The following INPP4B variants were observed in gnomAD, a reference collection of about 807,000 sequenced individuals.
The protein encoded by INPP4B is inositol polyphosphate 4-phosphatase type II.
A neutral mutation model predicts 122.5 loss-of-function variants in INPP4B; 55 were observed. The ratio of observed to expected loss-of-function variants is 0.45; its 90% CI spans 0.36 to 0.56. The LOEUF (loss-of-function observed/expected upper bound fraction) is 0.56, where lower values mean the gene tolerates loss of function less well. Ranked by LOEUF, INPP4B falls within the 20% of genes least tolerant of loss-of-function variation. The probability of loss-of-function intolerance (pLI) is 0.00; values close to 1 mark genes in which losing one functional copy is unlikely to be tolerated. For synonymous variants in INPP4B, 403 were observed against 388.7 expected (o/e 1.04, Z -0.43); for missense variants, 1,000 against 1,097.7 (o/e 0.91, Z 1.26).
chr4:142,653,916 C>A (rs1052347901), intron 2 of INPP4B, among the ~76,000 whole-genome samples: 7 of 152,172 alleles, frequency 4.6e-5, no homozygotes, highest in African/African-American at 1.2e-4. Flanking sequence ...AAGACACATG[C>A]ACACATATGT....
chr4:142,086,346 A>G (rs1776752539), intron 23 of INPP4B, 90 bp from the exon 24 acceptor site: 1 of 727,910 alleles, frequency 1.4e-6, no homozygotes. Flanking sequence ...ATTTATTTGC[A>G]AACACAACTT....
chr4:142,591,918 T>C (rs1229598671), intron 2 of INPP4B, among the ~76,000 whole-genome samples: 1 of 152,158 alleles, frequency 6.6e-6, no homozygotes, highest in African/African-American at 2.4e-5. Flanking sequence ...GGATATATGA[T>C]GATTAAATAA....
chr4:142,734,228 G>T (rs1260439568), intron 1 of INPP4B, among the ~76,000 whole-genome samples: 1 of 152,172 alleles, frequency 6.6e-6, no homozygotes, highest in Non-Finnish European at 1.5e-5. Flanking sequence ...GGAAGATACT[G>T]TCTGCAAGTC....
chr4:142,109,285 T>C (rs1788798262), intron 22 of INPP4B, among the ~76,000 whole-genome samples: 2 of 152,162 alleles, frequency 1.3e-5, no homozygotes, highest in South Asian at 4.1e-4. Flanking sequence ...CCTTGTCAGA[T>C]CATTCAGTCT....
intron 1 of INPP4B, among the ~76,000 whole-genome samples, chr4:142,791,814 C>T (rs1776597663): frequency 6.6e-6 from 1 of 152,042 alleles, no homozygotes; most frequent in Non-Finnish European, 1.5e-5. Context: ...CTTACTCACC[C>T]ATTGACTGCT....
At chr4:142,834,724 A>G (rs1051612793) in intron 1 of INPP4B, among the ~76,000 whole-genome samples, 1 of 152,188 alleles carries the variant, frequency 6.6e-6, no homozygotes, top group Non-Finnish European at 1.5e-5. Context: ...TTTGTTCTGC[A>G]GTATCTACAT....
intron 1 of INPP4B, among the ~76,000 whole-genome samples, chr4:142,845,551 G>A (rs1784079205): frequency 6.6e-6 from 1 of 152,158 alleles, no homozygotes; most frequent in South Asian, 2.1e-4. Context: ...CTGCCTGATG[G>A]CCGAGAGAAG....
intron 3 of INPP4B, among the ~76,000 whole-genome samples, chr4:142,459,468 A>G (rs34379584): frequency 0.11 from 16,168 of 152,120 alleles, 1,176 homozygotes; most frequent in South Asian, 0.19. Flanking sequence ...GAAGAATGGG[A>G]AAGAAAATAG....
chr4:142,162,885 C>G (rs1820795559), intron 16 of INPP4B, among the ~76,000 whole-genome samples: 2 of 152,026 alleles, frequency 1.3e-5, no homozygotes, highest in Admixed American at 1.3e-4. Flanking sequence ...ATTTATCTGA[C>G]TTCTTGGAAA....
chr4:142,658,614 T>C (rs771441473), intron 2 of INPP4B, among the ~76,000 whole-genome samples: 3 of 152,244 alleles, frequency 2.0e-5, no homozygotes, highest in Non-Finnish European at 4.4e-5. Flanking sequence ...TTACAGTTGT[T>C]TGCATCAGTG....
At position 142,553,268 on chromosome 4, in the gene INPP4B, C is replaced by A. The variant is rs188711173; in HGVS notation, c.-190-90542G>T. On this transcript the variant is annotated intron_variant, in intron 2 of 25. Transcript: ENST00000262992. ...CACTGCTTTCATTTTCACCTCTACA[C>A]AGAAGACTCCACATTCCCACTCTCT... 4.8e-4 allele frequency among the ~76,000 whole-genome samples: 73 copies of A among 152,290 alleles called. 1 individual carries two copies. The highest frequency in any genetic ancestry group is 1.5e-3 in the African/African-American group (61 of 41,562).
At chr4:142,813,579 G>A (rs113588106) in intron 1 of INPP4B, among the ~76,000 whole-genome samples, 1 of 152,026 alleles carries the variant, frequency 6.6e-6, no homozygotes, top group Non-Finnish European at 1.5e-5. Context: ...TTTGTCACTG[G>A]CAATAAAGCA....
intron 1 of INPP4B, among the ~76,000 whole-genome samples, chr4:142,842,361 A>T (rs972978477): frequency 2.6e-5 from 4 of 151,046 alleles, no homozygotes; most frequent in African/African-American, 9.7e-5. Flanking sequence ...TATAATAGCT[A>T]ATGTTTGGTG....
At chr4:142,180,967 G>A (rs1281902106) in intron 15 of INPP4B, among the ~76,000 whole-genome samples, 1 of 152,084 alleles carries the variant, frequency 6.6e-6, no homozygotes, top group African/African-American at 2.4e-5. Flanking sequence ...CTACTACTCA[G>A]TCAATGAATT....
intron 15 of INPP4B, among the ~76,000 whole-genome samples, chr4:142,192,818 A>T (rs1004765496): frequency 3.3e-5 from 5 of 152,200 alleles, no homozygotes; most frequent in Non-Finnish European, 5.9e-5. Context: ...AGCAAGCAAT[A>T]GTTGACACTA....
chr4:142,229,770 A>C (rs1436571401), intron 12 of INPP4B, among the ~76,000 whole-genome samples: 1 of 152,224 alleles, frequency 6.6e-6, no homozygotes, highest in African/African-American at 2.4e-5. Context: ...TACTACAAGG[A>C]ATCAAGAATC....
intron 2 of INPP4B, among the ~76,000 whole-genome samples, chr4:142,688,758 T>C (rs1436735888): frequency 6.6e-6 from 1 of 152,176 alleles, no homozygotes; most frequent in Non-Finnish European, 1.5e-5. Flanking sequence ...AGATTAGAAA[T>C]TATGGTTTAG....
At position 142,802,549 on chromosome 4, in the gene INPP4B, C is replaced by A. The variant is rs150982352; in HGVS notation, c.-254+43660G>T. On this transcript the variant is annotated intron_variant, in intron 1 of 25. Coordinates refer to ENST00000262992, the MANE Select transcript of INPP4B (RefSeq NM_001101669.3). ...ACTTGTTATAGGAAAGATAAATAATCCCTCACTGTTTATTCCAAATTCCAC... is the reference window on the plus strand; with the variant it reads ...ACTTGTTATAGGAAAGATAAATAATACCTCACTGTTTATTCCAAATTCCAC... Among the ~76,000 whole-genome samples the A allele has an allele frequency of 8.5e-5, 13 of 152,174 alleles. No homozygotes were observed. The East Asian group carries it at 2.5e-3, about 29-fold the overall frequency.
In INPP4B at chr4:142,428,381, T is replaced by C. The variant is rs185786324; in HGVS notation, c.136+792A>G. ...GCATGTATTAGTCTGTAAAACTTAG[T>C]TTAAAATAAAATATAAAAATACTAC... On this transcript the variant is annotated intron_variant, in intron 5 of 25. Coordinates refer to ENST00000262992, the MANE Select transcript of INPP4B (RefSeq NM_001101669.3). 2.1e-3 allele frequency among the ~76,000 whole-genome samples: 325 copies of C among 151,494 alleles called. 1 individual carries two copies. Among genetic ancestry groups the C allele is most frequent in the Non-Finnish European group, 3.6e-3 (243 of 67,812 alleles).
Sources: allele counts gnomAD v4.1 joint callset (sites outside exome capture counted in the v4.1 genomes callset), GRCh38; gene constraint gnomAD v4.1.1; transcripts MANE v1.5; gene names NCBI Gene and HGNC (gene_info 2026-07-23, HGNC 2026-07-21).